FOXP1: variants seen among roughly 807,000 people sequenced by gnomAD.
FOXP1 encodes forkhead box P1.
In FOXP1, 15 loss-of-function variants were observed where a neutral mutation model predicts 98.2. The observed-to-expected ratio is 0.15, with a 90% CI of 0.10 to 0.24. FOXP1 has a LOEUF of 0.24. FOXP1 is among the 10% of genes least tolerant of loss of function. The probability of loss-of-function intolerance (pLI) is 1.00; values close to 1 mark genes in which losing one functional copy is unlikely to be tolerated. For synonymous variants in FOXP1, 371 were observed against 314.5 expected, an observed-to-expected ratio of 1.18 and a Z score of -1.90; for missense variants, 633 against 848.5, an observed-to-expected ratio of 0.75 and a Z score of 3.15.
intron 7 of FOXP1, among the ~76,000 whole-genome samples, chr3:71,070,552 C>G (rs1009559333): frequency 6.6e-6 from 1 of 152,158 alleles, no homozygotes; most frequent in Admixed American, 6.5e-5. Flanking sequence ...CTTGCTTATC[C>G]TTTGTTTCAG....
rs11921488 is a variant in FOXP1, at chr3:71,090,862, A to G, written c.282+21674T>C. 2.4e-3 allele frequency among the ~76,000 whole-genome samples: 358 copies of G among 152,130 alleles called. 1 individual carries two copies. Among genetic ancestry groups the G allele is most frequent in the African/African-American group, 8.3e-3 (344 of 41,542 alleles). ...AACATAGGTATATGATAACATAGGT[A>G]TGGCCATTCTAAATGCACTTCGCTC... is the stretch of plus-strand genomic sequence containing the variant. On this transcript the variant is annotated intron_variant, in intron 7 of 20. Transcript: ENST00000649528.
At chr3:71,060,811 A>T (rs1237276220) in intron 7 of FOXP1, among the ~76,000 whole-genome samples, 1 of 152,198 alleles carries the variant, frequency 6.6e-6, no homozygotes, top group Non-Finnish European at 1.5e-5. Context: ...TAGAAATTAA[A>T]ACATGATACC....
At chr3:71,580,755 T>C in intron 2 of FOXP1, 1 of 982,354 alleles carries the variant, frequency 1.0e-6, no homozygotes, top group Non-Finnish European at 1.2e-6. Flanking sequence ...TTCCTTTAAA[T>C]ATCCTTGAGG....
In FOXP1 at chr3:71,004,336, C is replaced by T. The variant is rs558459160; in HGVS notation, c.975-3277G>A. 8.6e-5 allele frequency among the ~76,000 whole-genome samples: 13 copies of T among 151,978 alleles called. No individual in the cohort carries two copies. In the South Asian group the frequency reaches 1.2e-3, roughly 15 times the overall value. ...AAAATGATTTTGCCTTATTTAATCA[C>T]GATGATGATGATCTTTCTGAAAGCT... On this transcript the variant is annotated intron_variant, in intron 12 of 20. Coordinates refer to ENST00000649528, the MANE Select transcript of FOXP1 (RefSeq NM_001349338.3).
At position 71,068,143 on chromosome 3, in the gene FOXP1, G is replaced by C. The variant is rs563745200; in HGVS notation, c.283-14370C>G. Among the ~76,000 whole-genome samples the C allele has an allele frequency of 3.9e-5, 6 of 152,192 alleles. No homozygotes were observed. The South Asian group carries it at 1.2e-3, about 32-fold the overall frequency. The stretch of plus-strand genomic sequence containing the variant: ...TGCCCACATCCTAACACCCACAACA[G>C]ATACAGCTCTTGTTCAAACACCACA... On this transcript the variant is annotated intron_variant, in intron 7 of 20. Coordinates refer to ENST00000649528, the MANE Select transcript of FOXP1 (RefSeq NM_001349338.3).
At chr3:70,993,586 T>C (rs2040932760) in intron 13 of FOXP1, among the ~76,000 whole-genome samples, 1 of 152,256 alleles carries the variant, frequency 6.6e-6, no homozygotes, top group South Asian at 2.1e-4. Flanking sequence ...AGGCCAGTGA[T>C]AGTTAAAATA....
chr3:71,107,680 G>T (rs1467137646), intron 7 of FOXP1, among the ~76,000 whole-genome samples: 1 of 151,802 alleles, frequency 6.6e-6, no homozygotes, highest in East Asian at 1.9e-4. Flanking sequence ...ATTTCTTAAG[G>T]GTCAGTACTT....
chr3:71,577,835 G>A (rs181487064), intron 2 of FOXP1, among the ~76,000 whole-genome samples: 1 of 151,968 alleles, frequency 6.6e-6, no homozygotes, highest in East Asian at 1.9e-4. Context: ...CATTGGCTCA[G>A]GTATAAAGTT....
intron 2 of FOXP1, among the ~76,000 whole-genome samples, chr3:71,506,154 G>A (rs1577906017): frequency 6.6e-6 from 1 of 152,208 alleles, no homozygotes; most frequent in African/African-American, 2.4e-5. Context: ...ATCCCAGGTT[G>A]CAAATTCTCC....
chr3:71,187,538 G>A (rs547816003), intron 6 of FOXP1, among the ~76,000 whole-genome samples: 2 of 152,198 alleles, frequency 1.3e-5, no homozygotes, highest in South Asian at 2.1e-4. Flanking sequence ...AGCTGAGATC[G>A]CACCATTGCA....
chr3:71,077,187 G>C (rs1019017861), intron 7 of FOXP1, among the ~76,000 whole-genome samples: 1 of 152,164 alleles, frequency 6.6e-6, no homozygotes, highest in Non-Finnish European at 1.5e-5. Flanking sequence ...TAGATGTCTA[G>C]AAGAGGAAAT....
At chr3:71,274,046 C>A (rs2070655629) in intron 5 of FOXP1, among the ~76,000 whole-genome samples, 1 of 152,186 alleles carries the variant, frequency 6.6e-6, no homozygotes, top group Non-Finnish European at 1.5e-5. Flanking sequence ...GAGTCTTCCA[C>A]TAATTTTCCC....
At chr3:71,268,476 A>G (rs2069966339) in intron 5 of FOXP1, among the ~76,000 whole-genome samples, 1 of 152,156 alleles carries the variant, frequency 6.6e-6, no homozygotes, top group South Asian at 2.1e-4. Flanking sequence ...CTGATGAGCC[A>G]AGTAATTAAA....
chr3:71,429,451 A>C (rs549618674), intron 3 of FOXP1, among the ~76,000 whole-genome samples: 1 of 112,360 alleles, frequency 8.9e-6, no homozygotes, highest in Non-Finnish European at 1.7e-5. Flanking sequence ...GGAACTCAGC[A>C]CTTGTGTGTG....
intron 7 of FOXP1, among the ~76,000 whole-genome samples, chr3:71,056,794 G>C (rs1199927777): frequency 3.2e-4 from 48 of 151,324 alleles, no homozygotes; most frequent in Admixed American, 3.1e-3. Flanking sequence ...AAATAGACCA[G>C]AAACTATGGT....
chr3:71,447,173 T>C (rs1258728863), intron 3 of FOXP1, among the ~76,000 whole-genome samples: 5 of 152,230 alleles, frequency 3.3e-5, no homozygotes, highest in Admixed American at 1.3e-4. Flanking sequence ...AAATACCTTA[T>C]TTAGAATACC....
intron 20 of FOXP1, among the ~76,000 whole-genome samples, chr3:70,965,644 G>A (rs139808335): frequency 4.4e-4 from 67 of 152,178 alleles, no homozygotes; most frequent in African/African-American, 1.6e-3. Context: ...ATAAAGCAGA[G>A]GGAAAAAAAG....
At chr3:71,564,760 T>G (rs549094338) in intron 2 of FOXP1, among the ~76,000 whole-genome samples, 1 of 152,324 alleles carries the variant, frequency 6.6e-6, no homozygotes, top group African/African-American at 2.4e-5. Context: ...GGGCAGACAA[T>G]CATTTTGGGG....
chr3:71,032,434 A>G (rs9880362), intron 11 of FOXP1, among the ~76,000 whole-genome samples: 37,969 of 152,206 alleles, frequency 0.25, 11,329 homozygotes, highest in African/African-American at 0.72. Flanking sequence ...TTATTCACAC[A>G]GGCAGAAGTG....
Sources: allele counts gnomAD v4.1 joint callset (sites outside exome capture counted in the v4.1 genomes callset), GRCh38; gene constraint gnomAD v4.1.1; transcripts MANE v1.5; gene names NCBI Gene and HGNC (gene_info 2026-07-23, HGNC 2026-07-21).